Variants in NDFIP2 observed in about 807,000 individuals in gnomAD.
NDFIP2 encodes Nedd4 family interacting protein 2.
NDFIP2 carries 19 observed loss-of-function variants against 36.0 expected under a neutral mutation model. The observed-to-expected ratio is 0.53, with a 90% CI of 0.37 to 0.77. The LOEUF is 0.77. Among genes scored for constraint, NDFIP2 ranks in the 30% least tolerant of loss-of-function variants. NDFIP2 has a pLI of 0.00. For synonymous variants in NDFIP2, 181 were observed against 167.7 expected (o/e 1.08, Z -0.61); for missense variants, 446 against 435.8 (o/e 1.02, Z -0.21).
intron 2 of NDFIP2, among the ~76,000 whole-genome samples, chr13:79,532,175 G>A (rs1474209554): frequency 3.9e-5 from 6 of 152,190 alleles, no homozygotes; most frequent in Non-Finnish European, 7.3e-5. Flanking sequence ...ATTGCTAGAA[G>A]TACTGGGACA....
rs749560539 is a variant in NDFIP2 at position 79,493,602 on chromosome 13, AGGT to A, written c.321+12079_321+12081del. On this transcript the variant is annotated intron_variant, in intron 1 of 7. Transcript: ENST00000218652. ...CATTTTACAGAAGACTATCCGAGGG[AGGT>A]TCTGTTCAAGGTTATGCAGGAAAGC... Among the ~76,000 whole-genome samples, 82 of 152,252 alleles carry A rather than the reference AGGT, an allele frequency of 5.4e-4. No individual in the cohort carries two copies. The Middle Eastern group carries it at 0.01, about 19-fold the overall frequency.
intron 1 of NDFIP2, among the ~76,000 whole-genome samples, chr13:79,493,684 A>G (rs1448651800): frequency 6.6e-6 from 1 of 152,186 alleles, no homozygotes; most frequent in Admixed American, 6.5e-5. Flanking sequence ...AAATACATCA[A>G]GGATCCTGGG....
chr13:79,483,985 A>G (rs1438987771), intron 1 of NDFIP2, among the ~76,000 whole-genome samples: 1 of 152,014 alleles, frequency 6.6e-6, no homozygotes. Context: ...ACCACATTCT[A>G]ACTTTGATGT....
chr13:79,486,311 C>G (rs961568910), intron 1 of NDFIP2, among the ~76,000 whole-genome samples: 1 of 152,106 alleles, frequency 6.6e-6, no homozygotes, highest in Admixed American at 6.6e-5. Flanking sequence ...ATTAAAACTT[C>G]CAAATTTTTA....
In NDFIP2 at chr13:79,522,365, AT is replaced by A. The variant is rs141440231; in HGVS notation, c.487+1394del. Among the ~76,000 whole-genome samples, 625 of 152,312 alleles carry A rather than the reference AT, an allele frequency of 4.1e-3. 7 individuals are homozygous for A. The highest frequency in any genetic ancestry group is 0.014 in the African/African-American group (601 of 41,558). On this transcript the variant is annotated intron_variant, in intron 2 of 7. Coordinates refer to ENST00000218652, the MANE Select transcript of NDFIP2 (RefSeq NM_019080.3). ...GATTAAAAAAATTAATTTGATTATA[AT>A]TTTGAAGAAAGAAAATGAGTTGTTT...
At chr13:79,542,390 A>G (rs1472286909) in intron 4 of NDFIP2, among the ~76,000 whole-genome samples, 1 of 152,208 alleles carries the variant, frequency 6.6e-6, no homozygotes, top group Non-Finnish European at 1.5e-5. Flanking sequence ...GAAATTGCCA[A>G]ACTGTCTTCC....
rs764185387 is a variant in NDFIP2 at position 79,481,453 on chromosome 13, C to T, written c.250C>T (p.Leu84Phe). 21 of 1,562,808 alleles carry T rather than the reference C, an allele frequency of 1.3e-5. No individual in the cohort carries two copies. In the South Asian group the frequency reaches 2.0e-4, roughly 15 times the overall value. ...GGGAGCTGAGCACGGAGAAGACTCCCTCTCTCGGAAGCCGGATCCCGAGCC... is the reference window on the plus strand; with the variant it reads ...GGGAGCTGAGCACGGAGAAGACTCCTTCTCTCGGAAGCCGGATCCCGAGCC... ...AVGAEHGEDS[L>F]SRKPDPEPGR... The change falls in exon 1 of 8, where the codon CTC (leucine) becomes TTC (phenylalanine). Residue 84 changes from leucine to phenylalanine, a missense_variant. Physicochemically the swap from Leu to Phe is conservative, Grantham distance 22 (BLOSUM62 0). Around this residue, in one of 2 missense-constraint regions of NDFIP2, gnomAD observed 369 missense variants for 304.8 expected, o/e 1.21. Transcript: ENST00000218652.
At chr13:79,512,199 G>T (rs1163705056) in intron 1 of NDFIP2, among the ~76,000 whole-genome samples, 2 of 152,142 alleles carry the variant, frequency 1.3e-5, no homozygotes, top group Non-Finnish European at 2.9e-5. Context: ...TTGATTACCA[G>T]TTACCATTAT....
chr13:79,497,178 T>A (rs1873465361), intron 1 of NDFIP2, among the ~76,000 whole-genome samples: 4 of 152,042 alleles, frequency 2.6e-5, no homozygotes, highest in South Asian at 4.1e-4. Flanking sequence ...AGATTCAGAT[T>A]GTAAGCTGGG....
chr13:79,494,556 T>G (rs776292993), intron 1 of NDFIP2, among the ~76,000 whole-genome samples: 10 of 152,156 alleles, frequency 6.6e-5, no homozygotes, highest in Non-Finnish European at 1.2e-4. Flanking sequence ...CCTTTTTTCT[T>G]TGAAGACATT....
At chr13:79,551,180 G>A in intron 7 of NDFIP2, 58 bp downstream of exon 7, 1 of 1,053,074 alleles carries the variant, frequency 9.5e-7, no homozygotes, top group Admixed American at 2.5e-5. Flanking sequence ...AAATTTGCCA[G>A]ATACATATTA....
intron 1 of NDFIP2, among the ~76,000 whole-genome samples, chr13:79,512,492 A>G (rs1432814459): frequency 6.6e-6 from 1 of 152,108 alleles, no homozygotes; most frequent in East Asian, 1.9e-4. Flanking sequence ...TAAGTGAGAA[A>G]ATAGGAACAG....
intron 1 of NDFIP2, among the ~76,000 whole-genome samples, chr13:79,488,640 A>T (rs1040320556): frequency 3.3e-5 from 5 of 152,316 alleles, no homozygotes; most frequent in Admixed American, 3.3e-4. Context: ...TTATGAAACA[A>T]ATATCCTATA....
chr13:79,548,726 A>G (rs936365762), intron 6 of NDFIP2, among the ~76,000 whole-genome samples: 1 of 151,974 alleles, frequency 6.6e-6, no homozygotes, highest in African/African-American at 2.4e-5. Context: ...AGGAAATTTG[A>G]GAGTTGGATA....
At position 79,539,732 on chromosome 13, in the gene NDFIP2, G is replaced by T; in HGVS notation, c.672G>T (p.Gln224His). The change falls in exon 4 of 8, where the codon CAG becomes CAT. Residue 224 changes from glutamine to histidine, a missense_variant. Physicochemically the swap from Gln to His is conservative, Grantham distance 24. This residue lies in a region of NDFIP2 where 369 missense variants were observed against 304.8 expected (regional missense o/e 1.21). Transcript: ENST00000218652. ...GAGATGACTTCAGTGATGCAGACCAGCTCAGAGTGGGGAATGATGGCATTT... is the reference window on the plus strand; with the variant it reads ...GAGATGACTTCAGTGATGCAGACCATCTCAGAGTGGGGAATGATGGCATTT... ...PPRDDFSDAD[Q>H]LRVGNDGIFM... 6.2e-7 allele frequency: 1 copy of T among 1,613,834 alleles called. No homozygotes were observed. The highest frequency in any genetic ancestry group is 8.5e-7 in the Non-Finnish European group (1 of 1,179,826).
At chr13:79,497,795 G>GTGTGT (rs1555356394) in intron 1 of NDFIP2, among the ~76,000 whole-genome samples, 8 of 128,912 alleles carry the variant, frequency 6.2e-5, no homozygotes, top group East Asian at 2.2e-4. Context: ...ATCTGTGGGG[G>GTGTGT]GTGTGTGTGT....
intron 1 of NDFIP2, among the ~76,000 whole-genome samples, chr13:79,511,903 G>A (rs962068977): frequency 6.6e-6 from 1 of 152,184 alleles, no homozygotes; most frequent in Admixed American, 6.5e-5. Context: ...GGAAATGGTT[G>A]CAGTTAGAAT....
chr13:79,494,240 C>G (rs1873352474), intron 1 of NDFIP2, among the ~76,000 whole-genome samples: 1 of 151,868 alleles, frequency 6.6e-6, no homozygotes, highest in Non-Finnish European at 1.5e-5. Context: ...TTTCCTCATC[C>G]CTCATCTGTA....
intron 1 of NDFIP2, among the ~76,000 whole-genome samples, chr13:79,512,408 A>G (rs538975633): frequency 1.6e-4 from 24 of 152,240 alleles, no homozygotes; most frequent in Middle Eastern, 3.4e-3. Flanking sequence ...GTTGCTGCCT[A>G]TGGATGCACA....
Sources: allele counts gnomAD v4.1 joint callset (sites outside exome capture counted in the v4.1 genomes callset), GRCh38; gene constraint gnomAD v4.1.1; regional missense constraint gnomAD v4.1.1; transcripts MANE v1.5; gene names NCBI Gene and HGNC (gene_info 2026-07-23, HGNC 2026-07-21).